MACROD2: variants seen among roughly 807,000 people sequenced by gnomAD.
MACROD2 encodes the protein mono-ADP ribosylhydrolase 2.
Under a neutral mutation model 70.4 loss-of-function variants are expected in MACROD2, and 36 were observed. That is an observed-to-expected ratio of 0.51 (90% CI 0.39 to 0.68). The LOEUF (loss-of-function observed/expected upper bound fraction) is 0.68. Ranked by LOEUF, MACROD2 falls within the 30% of genes least tolerant of loss-of-function variation. The pLI is 0.00. For missense variants in MACROD2, 496 were observed against 538.4 expected (o/e 0.92, Z 0.78); for synonymous variants, 172 against 178.8 (o/e 0.96, Z 0.30).
At chr20:14,794,076 A>G (rs2072482956) in intron 5 of MACROD2, among the ~76,000 whole-genome samples, 1 of 152,036 alleles carries the variant, frequency 6.6e-6, no homozygotes, top group South Asian at 2.1e-4. Context: ...CTTACTTACT[A>G]ACTAGCACAG....
At chr20:15,566,278 G>A (rs1381442369) in intron 8 of MACROD2, among the ~76,000 whole-genome samples, 1 of 152,042 alleles carries the variant, frequency 6.6e-6, no homozygotes, top group Non-Finnish European at 1.5e-5. Flanking sequence ...GAGGCCAAGA[G>A]TTCAAGACCA....
At chr20:14,661,642 GGGTTTTTCCTA>G (rs1211548800) in intron 4 of MACROD2, among the ~76,000 whole-genome samples, 2 of 151,812 alleles carry the variant, frequency 1.3e-5, no homozygotes, top group African/African-American at 4.8e-5. Context: ...AGGTCTAGAA[GGGTTTTTCCTA>G]GGTTTTCTTC....
rs1197702904 is a variant in MACROD2, at chr20:14,702,604, T to C, written c.418+17645T>C. Reference sequence around the variant, plus strand: ...ATATATATGTATATATATGTGTGTATATATATGTGTATATATATATACATA... The same window carrying C: ...ATATATATGTATATATATGTGTGTACATATATGTGTATATATATATACATA... On this transcript the variant is annotated intron_variant, in intron 5 of 17. Transcript: ENST00000684519. 2.8e-4 allele frequency among the ~76,000 whole-genome samples: 20 copies of C among 71,958 alleles called. 1 individual carries two copies. Among genetic ancestry groups the C allele is most frequent in the Admixed American group, 5.5e-4 (3 of 5,452 alleles). 47.2% of individuals were successfully genotyped at this position (71,958 alleles called of 152,430 possible).
intron 8 of MACROD2, among the ~76,000 whole-genome samples, chr20:15,792,008 T>G (rs990676452): frequency 6.6e-6 from 1 of 152,094 alleles, no homozygotes; most frequent in Non-Finnish European, 1.5e-5. Context: ...AATAGTATTA[T>G]CTATATAAAA....
chr20:14,360,000 C>T (rs889636689), intron 3 of MACROD2, among the ~76,000 whole-genome samples: 21 of 151,264 alleles, frequency 1.4e-4, no homozygotes, highest in African/African-American at 4.6e-4. Flanking sequence ...ACAAGCCAGA[C>T]ACAAAAAGAC....
At chr20:14,183,124 G>A (rs534677473) in intron 3 of MACROD2, among the ~76,000 whole-genome samples, 20 of 150,010 alleles carry the variant, frequency 1.3e-4, no homozygotes, top group Non-Finnish European at 2.2e-4. Context: ...CATCACCCGG[G>A]TATTAAGCCT....
At chr20:14,617,205 C>T (rs1983533733) in intron 4 of MACROD2, among the ~76,000 whole-genome samples, 1 of 152,116 alleles carries the variant, frequency 6.6e-6, no homozygotes, top group Admixed American at 6.6e-5. Flanking sequence ...TTGCTTGTTT[C>T]TCTCTTTCTC....
At chr20:14,714,255 G>C (rs992046577) in intron 5 of MACROD2, among the ~76,000 whole-genome samples, 1 of 151,988 alleles carries the variant, frequency 6.6e-6, no homozygotes, top group Non-Finnish European at 1.5e-5. Context: ...CAAATAAAGA[G>C]TGAGGCAACA....
intron 3 of MACROD2, among the ~76,000 whole-genome samples, chr20:14,456,266 G>A (rs1210848918): frequency 6.6e-6 from 1 of 151,758 alleles, no homozygotes; most frequent in Admixed American, 6.6e-5. Context: ...ATAAGGTTAC[G>A]CATTTCACTT....
rs977189252 is a variant in MACROD2, at chr20:14,840,683, C to A, written c.418+155724C>A. On this transcript the variant is annotated intron_variant, in intron 5 of 17. Transcript: ENST00000684519. Reference sequence around the variant, plus strand: ...AAGAGGAAGGTTGAGTTAAACTGGCCCTAAAAATATTGATGTTCTCTCATT... The same window carrying A: ...AAGAGGAAGGTTGAGTTAAACTGGCACTAAAAATATTGATGTTCTCTCATT... Among the ~76,000 whole-genome samples, 11 of 152,176 alleles carry A rather than the reference C, an allele frequency of 7.2e-5. 1 individual carries two copies. The East Asian group carries it at 2.1e-3, about 29-fold the overall frequency.
chr20:14,135,192 C>G (rs568943130), intron 3 of MACROD2, among the ~76,000 whole-genome samples: 10 of 152,136 alleles, frequency 6.6e-5, no homozygotes, highest in African/African-American at 1.9e-4. Flanking sequence ...AAACCTGACA[C>G]CAAAAGTATT....
At chr20:15,261,103 G>C (rs932722477) in intron 6 of MACROD2, among the ~76,000 whole-genome samples, 1 of 151,914 alleles carries the variant, frequency 6.6e-6, no homozygotes, top group Non-Finnish European at 1.5e-5. Context: ...AACCAGAAGA[G>C]CTCTAAATAT....
rs774794884 is a variant in MACROD2 at position 14,841,467 on chromosome 20, A to T, written c.418+156508A>T. Reference sequence around the variant, plus strand: ...TTTGAAATATTTCCCCTAACTTTCAAAACCTTAGCTTACAGTGTTGGAGAC... The same window carrying T: ...TTTGAAATATTTCCCCTAACTTTCATAACCTTAGCTTACAGTGTTGGAGAC... On this transcript the variant is annotated intron_variant, in intron 5 of 17. Transcript: ENST00000684519. 4.0e-4 allele frequency among the ~76,000 whole-genome samples: 61 copies of T among 152,144 alleles called. 1 individual carries two copies. The highest frequency in any genetic ancestry group is 5.6e-4 in the Non-Finnish European group (38 of 68,010).
At chr20:15,357,301 T>C (rs1318234394) in intron 6 of MACROD2, among the ~76,000 whole-genome samples, 1 of 152,182 alleles carries the variant, frequency 6.6e-6, no homozygotes, top group Non-Finnish European at 1.5e-5. Flanking sequence ...TCTATTTGCT[T>C]GACTGTATGC....
intron 8 of MACROD2, among the ~76,000 whole-genome samples, chr20:15,646,775 T>A (rs941840327): frequency 6.6e-6 from 1 of 152,166 alleles, no homozygotes; most frequent in African/African-American, 2.4e-5. Context: ...AAAAGGTGCC[T>A]TGCTTCTCCT....
intron 3 of MACROD2, among the ~76,000 whole-genome samples, chr20:14,389,052 G>A (rs1043924808): frequency 6.6e-6 from 1 of 151,504 alleles, no homozygotes; most frequent in Non-Finnish European, 1.5e-5. Context: ...TAATTTTTTT[G>A]TATTTTTAGT....
At chr20:15,285,113 C>T (rs1289901516) in intron 6 of MACROD2, among the ~76,000 whole-genome samples, 1 of 152,124 alleles carries the variant, frequency 6.6e-6, no homozygotes, top group Non-Finnish European at 1.5e-5. Context: ...TTCAATGTCA[C>T]ACTGGAGTAT....
intron 6 of MACROD2, among the ~76,000 whole-genome samples, chr20:15,422,601 C>A (rs561590609): frequency 6.6e-6 from 1 of 152,304 alleles, no homozygotes; most frequent in East Asian, 1.9e-4. Flanking sequence ...GAGCTCTGAG[C>A]CCAGTGCTCA....
intron 4 of MACROD2, among the ~76,000 whole-genome samples, chr20:14,541,875 C>T (rs1011417546): frequency 3.3e-5 from 5 of 152,102 alleles, no homozygotes; most frequent in Non-Finnish European, 4.4e-5. Context: ...GATTCTAAGA[C>T]TCATCTGTTC....
Sources: allele counts gnomAD v4.1 joint callset (sites outside exome capture counted in the v4.1 genomes callset), GRCh38; gene constraint gnomAD v4.1.1; transcripts MANE v1.5; gene names NCBI Gene and HGNC (gene_info 2026-07-23, HGNC 2026-07-21).